The following PTCHD4 variants were observed in gnomAD, a reference collection of about 807,000 sequenced individuals.
The protein encoded by PTCHD4 is patched domain containing 4, also known as patched domain-containing protein 4.
Under a neutral mutation model 58.1 loss-of-function variants are expected in PTCHD4, and 33 were observed. The observed-to-expected ratio is 0.57, with a 90% confidence interval of 0.43 to 0.76. The LOEUF is 0.76. Among genes scored for constraint, PTCHD4 ranks in the 30% least tolerant of loss-of-function variants. The pLI is 0.00. For missense variants in PTCHD4, 1,058 were observed against 1,027.1 expected (o/e 1.03, Z -0.41); for synonymous variants, 478 against 409.6 (o/e 1.17, Z -2.02).
chr6:47,981,058 A>C (rs1026702905), intron 4 of PTCHD4, among the ~76,000 whole-genome samples: 2 of 152,092 alleles, frequency 1.3e-5, no homozygotes, highest in African/African-American at 4.8e-5. Flanking sequence ...CGTAGTAGTT[A>C]CTGCAAGCAG....
At chr6:47,895,502 A>C (rs1182814635) in intron 4 of PTCHD4, among the ~76,000 whole-genome samples, 1 of 152,204 alleles carries the variant, frequency 6.6e-6, no homozygotes, top group African/African-American at 2.4e-5. Context: ...TAGATTAGTT[A>C]ACATTGACAT....
rs553699008 is a variant in PTCHD4 at position 47,859,574 on chromosome 6, A to G, written c.*18729T>C. Among the ~76,000 whole-genome samples the G allele has an allele frequency of 8.2e-4, 125 of 152,002 alleles. No homozygotes were observed. The highest frequency in any genetic ancestry group is 3.4e-3 in the Middle Eastern group (1 of 294). ...TCCTTCCTTCCTTTGTCAAATATTT[A>G]TTGAATGCCTAACATGTGCCTGGCA... On this transcript the variant is annotated 3_prime_UTR_variant, in exon 5 of 5. Coordinates refer to ENST00000339488, the MANE Select transcript of PTCHD4 (RefSeq NM_001384253.1).
chr6:47,891,221 CAAAAAAA>C (rs35503136), intron 4 of PTCHD4, among the ~76,000 whole-genome samples: 4 of 83,334 alleles, frequency 4.8e-5, no homozygotes, highest in South Asian at 4.2e-4. Context: ...GACTGTGTCT[CAAAAAAA>C]AAAAAAAAAA....
At chr6:48,023,433 G>A (rs983717252) in intron 3 of PTCHD4, among the ~76,000 whole-genome samples, 1 of 152,160 alleles carries the variant, frequency 6.6e-6, no homozygotes, top group Non-Finnish European at 1.5e-5. Flanking sequence ...GTCATCACTT[G>A]TGAGTCTGGT....
intron 1 of PTCHD4, among the ~76,000 whole-genome samples, chr6:48,083,693 G>C (rs1393959488): frequency 6.6e-6 from 1 of 152,168 alleles, no homozygotes; most frequent in Non-Finnish European, 1.5e-5. Context: ...TAACCTGCCA[G>C]AGGTGGAAGG....
chr6:47,949,280 A>G (rs1397611379), intron 4 of PTCHD4, among the ~76,000 whole-genome samples: 1 of 152,192 alleles, frequency 6.6e-6, no homozygotes, highest in Non-Finnish European at 1.5e-5. Flanking sequence ...TATATAGGCC[A>G]TAAGTCAGAT....
intron 4 of PTCHD4, among the ~76,000 whole-genome samples, chr6:47,974,124 G>A (rs1767610346): frequency 6.6e-6 from 1 of 152,196 alleles, no homozygotes; most frequent in African/African-American, 2.4e-5. Flanking sequence ...TACAAATAAT[G>A]AGGGATAAGT....
chr6:47,929,041 G>A (rs1765723512), intron 4 of PTCHD4, among the ~76,000 whole-genome samples: 1 of 148,290 alleles, frequency 6.7e-6, no homozygotes, highest in Non-Finnish European at 1.5e-5. Context: ...TCTAAATAGA[G>A]CTGCATTAGA....
chr6:48,077,761 T>C (rs578062644), intron 1 of PTCHD4, among the ~76,000 whole-genome samples: 6 of 151,800 alleles, frequency 4.0e-5, no homozygotes, highest in Non-Finnish European at 5.9e-5. Context: ...GCAGACTTGA[T>C]GAGAGAGAGA....
Position 47,878,260 on chromosome 6 carries a change from G to C in PTCHD4, c.*43C>G. The C allele has an allele frequency of 2.0e-6, 3 of 1,508,514 alleles. No individual in the cohort carries two copies. The highest frequency in any genetic ancestry group is 2.7e-6 in the Non-Finnish European group (3 of 1,121,476). 93.4% of individuals were successfully genotyped at this position (1,508,514 alleles called of 1,614,324 possible). ...TGAGCTTTACTTGCCCTGCATCATT[G>C]TGCAATACTGGAAAAGAAAAATAAT... On this transcript the variant is annotated 3_prime_UTR_variant, in exon 5 of 5. Transcript: ENST00000339488.
At chr6:48,017,123 T>C (rs1195743704) in intron 3 of PTCHD4, among the ~76,000 whole-genome samples, 1 of 152,212 alleles carries the variant, frequency 6.6e-6, no homozygotes, top group East Asian at 1.9e-4. Flanking sequence ...TTTAATCAGA[T>C]TTTTCCTCAT....
intron 1 of PTCHD4, among the ~76,000 whole-genome samples, chr6:48,106,130 C>T (rs962730805): frequency 1.1e-4 from 17 of 152,082 alleles, no homozygotes; most frequent in Admixed American, 2.0e-4. Flanking sequence ...ATACCAAAGC[C>T]GGGCAGAGAC....
intron 4 of PTCHD4, among the ~76,000 whole-genome samples, chr6:47,903,553 G>T (rs778653292): frequency 6.6e-6 from 1 of 152,098 alleles, no homozygotes; most frequent in Non-Finnish European, 1.5e-5. Flanking sequence ...GGGCCCAAGC[G>T]ATCTGGCTGC....
chr6:48,094,914 A>T (rs76429703), intron 1 of PTCHD4, among the ~76,000 whole-genome samples: 194 of 152,344 alleles, frequency 1.3e-3, no homozygotes, highest in African/African-American at 4.6e-3. Flanking sequence ...AAGAGTACAT[A>T]CTGTATGATT....
At chr6:47,945,408 T>C (rs1766377418) in intron 4 of PTCHD4, among the ~76,000 whole-genome samples, 1 of 152,084 alleles carries the variant, frequency 6.6e-6, no homozygotes, top group Non-Finnish European at 1.5e-5. Flanking sequence ...TAAGAAATAC[T>C]TTACAAATAT....
At chr6:48,051,006 A>G (rs1056963826) in intron 3 of PTCHD4, among the ~76,000 whole-genome samples, 6 of 152,018 alleles carry the variant, frequency 3.9e-5, no homozygotes, top group African/African-American at 9.7e-5. Flanking sequence ...TTCATTTTAT[A>G]TTTCTTAACA....
At chr6:48,044,086 TG>T (rs1228988347) in intron 3 of PTCHD4, among the ~76,000 whole-genome samples, 1 of 151,754 alleles carries the variant, frequency 6.6e-6, no homozygotes, top group Non-Finnish European at 1.5e-5. Flanking sequence ...CTGAGACTGG[TG>T]GGGGTTGTTG....
At chr6:48,071,755 C>A (rs947664087) in intron 1 of PTCHD4, among the ~76,000 whole-genome samples, 2 of 152,136 alleles carry the variant, frequency 1.3e-5, no homozygotes, top group African/African-American at 2.4e-5. Flanking sequence ...ATCCTGGATA[C>A]CACATTGCTT....
chr6:47,950,253 G>A (rs1014199467), intron 4 of PTCHD4, among the ~76,000 whole-genome samples: 2 of 152,090 alleles, frequency 1.3e-5, no homozygotes, highest in Admixed American at 6.6e-5. Context: ...TTTGAAGGGG[G>A]AAAGTTGCAT....
Sources: allele counts gnomAD v4.1 joint callset (sites outside exome capture counted in the v4.1 genomes callset), GRCh38; gene constraint gnomAD v4.1.1; transcripts MANE v1.5; gene names NCBI Gene and HGNC (gene_info 2026-07-23, HGNC 2026-07-21).